The following ERCC6 variants were observed in gnomAD, a reference collection of about 807,000 sequenced individuals.
The protein encoded by ERCC6 is DNA excision repair protein ERCC-6.
ERCC6 carries 116 observed loss-of-function variants against 158.7 expected under a neutral mutation model. That is an observed-to-expected ratio of 0.73 (90% confidence interval 0.63 to 0.85). ERCC6 has a LOEUF of 0.85. Among genes scored for constraint, ERCC6 ranks in the 40% least tolerant of loss-of-function variants. ERCC6 has a pLI of 0.00. For synonymous variants in ERCC6, 678 were observed against 659.3 expected (o/e 1.03, Z -0.43); for missense variants, 1,698 against 1,799.4 (o/e 0.94, Z 1.02).
At chr10:49,477,654 A>G (rs1328176125) in intron 11 of ERCC6, among the ~76,000 whole-genome samples, 1 of 151,958 alleles carries the variant, frequency 6.6e-6, no homozygotes, top group Non-Finnish European at 1.5e-5. Context: ...CAGTCTTCCC[A>G]GCTAGCTCCT....
intron 8 of ERCC6, among the ~76,000 whole-genome samples, chr10:49,490,013 T>TATTAGAAAAAAGGATCACGAAATATA (rs1851144984): frequency 2.6e-5 from 4 of 152,182 alleles, no homozygotes; most frequent in African/African-American, 9.7e-5. Flanking sequence ...AGTTGCTCTA[T>TATTAGAAAAAAGGATCACGAAATATA]ATTAGAAAAA....
intron 18 of ERCC6, among the ~76,000 whole-genome samples, chr10:49,468,904 T>C (rs144882377): frequency 0.014 from 2,161 of 152,242 alleles, 21 homozygotes; most frequent in Non-Finnish European, 0.022. Flanking sequence ...AGGAGCCAGC[T>C]TGAAGGAGCT....
chr10:49,447,117 T>A, the ERCC6 span, among the ~76,000 whole-genome samples: 1 of 151,956 alleles, frequency 6.6e-6, no homozygotes, highest in Non-Finnish European at 1.5e-5. Flanking sequence ...GAAAAATTTA[T>A]GTGGAAAAAA....
At chr10:49,462,063 C>T (rs552505871) in intron 18 of ERCC6, among the ~76,000 whole-genome samples, 1 of 152,190 alleles carries the variant, frequency 6.6e-6, no homozygotes, top group South Asian at 2.1e-4. Context: ...AAAGTTCATA[C>T]AGAACAATAA....
chr10:49,492,314 G>C (rs1459800024), intron 8 of ERCC6, among the ~76,000 whole-genome samples: 2 of 152,148 alleles, frequency 1.3e-5, no homozygotes, highest in African/African-American at 4.8e-5. Context: ...GAGCTCAGAA[G>C]ACTCAGGAAA....
intron 4 of ERCC6, chr10:49,525,048 A>AG (rs1470282663): frequency 1.5e-6 from 1 of 662,044 alleles, no homozygotes; most frequent in Non-Finnish European, 2.3e-6. Flanking sequence ...ATCCAAAGAT[A>AG]GGCTTATTAC....
chr10:49,528,025 G>A (rs1837381322), intron 4 of ERCC6, among the ~76,000 whole-genome samples: 1 of 152,196 alleles, frequency 6.6e-6, no homozygotes, highest in Non-Finnish European at 1.5e-5. Flanking sequence ...TGGAAAGCCT[G>A]CCAAATACGC....
At chr10:49,534,650 G>A (rs1837556674) in intron 1 of ERCC6, among the ~76,000 whole-genome samples, 1 of 152,080 alleles carries the variant, frequency 6.6e-6, no homozygotes, top group African/African-American at 2.4e-5. Flanking sequence ...ACATACTCAG[G>A]ACCTGCTGCT....
chr10:49,521,382 A>C (rs983371676), intron 5 of ERCC6, among the ~76,000 whole-genome samples: 9 of 152,262 alleles, frequency 5.9e-5, no homozygotes, highest in African/African-American at 2.2e-4. Context: ...AACCCACATC[A>C]CTCAAACACT....
At chr10:49,513,682 A>C (rs979248744) in intron 5 of ERCC6, among the ~76,000 whole-genome samples, 1 of 152,146 alleles carries the variant, frequency 6.6e-6, no homozygotes, top group African/African-American at 2.4e-5. Flanking sequence ...TAAAACCATA[A>C]GCTCTCATGA....
chr10:49,464,150 C>T (rs1850630739), intron 18 of ERCC6, among the ~76,000 whole-genome samples: 1 of 152,278 alleles, frequency 6.6e-6, no homozygotes, highest in South Asian at 2.1e-4. Context: ...GTGATATGAA[C>T]AGTAAGGTCC....
intron 18 of ERCC6, among the ~76,000 whole-genome samples, chr10:49,465,390 G>A (rs1850656906): frequency 6.6e-6 from 1 of 152,246 alleles, no homozygotes; most frequent in Non-Finnish European, 1.5e-5. Context: ...ATAGGCAGAA[G>A]AGACTTGCCT....
At chr10:49,488,661 A>C (rs1255138089) in intron 8 of ERCC6, among the ~76,000 whole-genome samples, 1 of 147,632 alleles carries the variant, frequency 6.8e-6, no homozygotes. Flanking sequence ...TTTTTTTTAA[A>C]GTTTTTTACT....
intron 5 of ERCC6, chr10:49,515,395 G>A (rs1270964488): frequency 6.2e-6 from 10 of 1,613,816 alleles, no homozygotes; most frequent in South Asian, 2.2e-5. Context: ...TTTTCACATC[G>A]AAAAGTTGTG....
At position 49,532,958 on chromosome 10, in the gene ERCC6, T is replaced by C. The variant is rs1376663934; in HGVS notation, c.7A>G (p.Asn3Asp). ...TGACTTGAGTGGGGGATTCCCTCAT[T>C]TGGCATTCTCTACAGACTACCTAAA... MP[N>D]EGIPHSSQTQ... Residue 3 changes from asparagine (N) to aspartate (D), a missense_variant, in exon 2 of 21, where the codon AAT becomes GAT. By Grantham distance (23) the Asn-to-Asp change is conservative. Coordinates refer to ENST00000355832, the MANE Select transcript of ERCC6 (RefSeq NM_000124.4). The C allele has an allele frequency of 1.9e-6, 3 of 1,614,110 alleles. No individual in the cohort carries two copies. In the African/African-American group the frequency reaches 4.0e-5, roughly 22 times the overall value.
chr10:49,511,425 T>A (rs1564434125), intron 5 of ERCC6, among the ~76,000 whole-genome samples: 1 of 91,746 alleles, frequency 1.1e-5, no homozygotes, highest in African/African-American at 3.9e-5. Context: ...TCTTCTTTTT[T>A]ACTTTTTTTT....
chr10:49,505,898 G>C lies in ERCC6; in HGVS notation c.1512C>G (p.Phe504Leu). 1 of 1,613,240 alleles carries C rather than the reference G, an allele frequency of 6.2e-7. No individual in the cohort carries two copies. The highest frequency in any genetic ancestry group is 8.5e-7 in the Non-Finnish European group (1 of 1,179,492). ...DEGFKVPGFLFKKLFKYQQTG... is the reference protein window; with the variant it reads ...DEGFKVPGFLLKKLFKYQQTG... ...ATGGTACATACTTAAAAAGCTTTTT[G>C]AACAGAAAACCTGGCACTTTAAAAC... The change falls in exon 6 of 21, where the codon TTC becomes TTG. Residue 504 changes from phenylalanine to leucine, a missense_variant. Coordinates refer to ENST00000355832, the MANE Select transcript of ERCC6 (RefSeq NM_000124.4).
chr10:49,500,785 T>C, intron 6 of ERCC6, 89 bp from the exon 7 acceptor site: 4 of 1,418,962 alleles, frequency 2.8e-6, no homozygotes, highest in Non-Finnish European at 3.9e-6. Flanking sequence ...AATTAATCAT[T>C]TGGCTAGGTT....
chr10:49,521,406 T>C (rs944301539), intron 5 of ERCC6, among the ~76,000 whole-genome samples: 1 of 152,202 alleles, frequency 6.6e-6, no homozygotes, highest in African/African-American at 2.4e-5. Context: ...GGTGTGTTAG[T>C]CCTAATCTTT....
Sources: allele counts gnomAD v4.1 joint callset (sites outside exome capture counted in the v4.1 genomes callset), GRCh38; gene constraint gnomAD v4.1.1; transcripts MANE v1.5; gene names NCBI Gene and HGNC (gene_info 2026-07-23, HGNC 2026-07-21).